Variants in NMI observed in about 807,000 individuals in gnomAD.
NMI encodes the protein N-myc and STAT interactor.
Under a neutral mutation model 34.3 loss-of-function variants are expected in NMI, and 39 were observed. That is an observed-to-expected ratio of 1.14 (90% CI 0.88 to 1.49). The LOEUF (loss-of-function observed/expected upper bound fraction) is 1.49, where lower values mean the gene tolerates loss of function less well. Ranked by LOEUF, NMI falls within the 40% of genes most tolerant of loss-of-function variation. NMI has a pLI of 0.00. For synonymous variants in NMI, 113 were observed against 120.3 expected, an observed-to-expected ratio of 0.94 and a Z score of 0.40; for missense variants, 339 against 358.1, an observed-to-expected ratio of 0.95 and a Z score of 0.43.
At chr2:151,281,919 T>C (rs762207400) in intron 3 of NMI, 29 bp downstream of exon 3, 2 of 1,082,732 alleles carry the variant, frequency 1.8e-6, no homozygotes, top group Admixed American at 2.0e-5. Context: ...CCATCAAAAA[T>C]GTAGTATATA....
In NMI at chr2:151,275,779, TA is replaced by T. The variant is rs748266163; in HGVS notation, c.425del (p.Leu142Ter). 2 of 1,613,610 alleles carry T rather than the reference TA, an allele frequency of 1.2e-6. No homozygotes were observed. The highest frequency in any genetic ancestry group is 2.7e-5 in the African/African-American group (2 of 75,040). ...TTACCTGGAATCTGACTCCTGAATT[TA>T]ATGGAACTGGCTTGGCCGTAACCTC... ...NLEVTAKPVP[L>X]NSGVRFQVYV... On this transcript the variant is annotated frameshift_variant, in exon 5 of 8. Coordinates refer to ENST00000243346, the MANE Select transcript of NMI (RefSeq NM_004688.3). LOFTEE classifies it high-confidence loss of function.
At chr2:151,271,476 A>T in intron 7 of NMI, 150 bp downstream of exon 7, 1 of 638,556 alleles carries the variant, frequency 1.6e-6, no homozygotes, top group Non-Finnish European at 2.8e-6. Context: ...AGACAAACTC[A>T]TTTTGCACCA....
chr2:151,282,273 C>A (rs1175646695), intron 2 of NMI, among the ~76,000 whole-genome samples: 1 of 152,168 alleles, frequency 6.6e-6, no homozygotes, highest in African/African-American at 2.4e-5. Context: ...AGGAAACCAC[C>A]TTTTACACTA....
At chr2:151,282,102 A>C in intron 2 of NMI, 59 bp from the exon 3 acceptor site, 1 of 759,618 alleles carries the variant, frequency 1.3e-6, no homozygotes, top group Admixed American at 2.6e-5. Flanking sequence ...ATTTTTCCGA[A>C]TGAACTAAAG....
At chr2:151,273,775 G>A (rs113755179) in intron 6 of NMI, among the ~76,000 whole-genome samples, 19,207 of 152,098 alleles carry the variant, frequency 0.13, 1,567 homozygotes, top group South Asian at 0.26. Flanking sequence ...ACCCGCCTCC[G>A]CCTCCCAAAG....
In NMI at chr2:151,270,701, C is replaced by T. The variant is rs142057911; in HGVS notation, c.916G>A (p.Glu306Lys). ...SLGQPHIAYF[E>K]E is the part of the protein sequence containing the mutation. ...TCATGATTCTGTTAAGTCTATTCTT[C>T]AAAGTATGCTATGTGAGGTTGACCT... The change falls in exon 8 of 8, where the codon GAA becomes AAA. Residue 306 changes from glutamate (E) to lysine (K), a missense_variant. Glu to Lys is a moderately conservative substitution (Grantham distance 56, BLOSUM62 1). Coordinates refer to ENST00000243346, the MANE Select transcript of NMI (RefSeq NM_004688.3). 2.2e-4 allele frequency: 361 copies of T among 1,611,960 alleles called. 2 individuals are homozygous for T. Among genetic ancestry groups the T allele is most frequent in the South Asian group, 6.4e-4 (58 of 90,720 alleles).
chr2:151,273,534 T>C (rs1380114253), intron 6 of NMI, among the ~76,000 whole-genome samples: 4 of 152,130 alleles, frequency 2.6e-5, no homozygotes, highest in South Asian at 4.1e-4. Context: ...TTTATTTCGG[T>C]TTTTTTGAGA....
Position 151,282,054 on chromosome 2 carries a change from T to G in NMI, c.82-11A>C. On this transcript the variant is annotated splice_polypyrimidine_tract_variant and intron_variant, in intron 2 of 7. Transcript: ENST00000243346. ...TTCATCAATTAGTCCCTTAAAAATA[T>G]CAAATGGTACCAAAGAAAGTAAATA... 1 of 1,186,022 alleles carries G rather than the reference T, an allele frequency of 8.4e-7. No individual in the cohort carries two copies. Among genetic ancestry groups the G allele is most frequent in the Non-Finnish European group, 1.2e-6 (1 of 800,622 alleles). 73.5% of individuals were successfully genotyped at this position (1,186,022 alleles called of 1,614,324 possible).
chr2:151,280,513 A>G (rs1047214172), intron 3 of NMI, among the ~76,000 whole-genome samples: 1 of 152,240 alleles, frequency 6.6e-6, no homozygotes, highest in African/African-American at 2.4e-5. Flanking sequence ...AATAATGCAG[A>G]AATACCCAGT....
intron 4 of NMI, 23 bp from the exon 5 acceptor site, chr2:151,275,887 A>G (rs113730508): frequency 3.0e-5 from 41 of 1,367,000 alleles, no homozygotes; most frequent in African/African-American, 2.8e-4. Flanking sequence ...TCAGGAAGGA[A>G]GTATTAATTT....
At chr2:151,288,121 A>G (rs1437198482) in intron 1 of NMI, among the ~76,000 whole-genome samples, 1 of 152,238 alleles carries the variant, frequency 6.6e-6, no homozygotes, top group Non-Finnish European at 1.5e-5. Flanking sequence ...TGTAGTAGGC[A>G]AAACAATGGC....
Position 151,281,948 on chromosome 2 carries a change from C to T in NMI, c.177G>A (p.Gln59=). The T allele has an allele frequency of 6.9e-7, 1 of 1,446,762 alleles. No individual in the cohort carries two copies. The highest frequency in any genetic ancestry group is 1.4e-5 in the African/African-American group (1 of 70,932). The allele number at this position is 1,446,762 out of a possible 1,614,324, so 89.6% of individuals were successfully genotyped here. The change falls in exon 3 of 8, where the codon CAG becomes CAA. Residue 59 remains glutamine (Q), a splice_region_variant and synonymous_variant. Coordinates refer to ENST00000243346, the MANE Select transcript of NMI (RefSeq NM_004688.3). ...TELQEATKEF[Q]IKEDIPETKM... is the part of the protein sequence containing the mutation. ...GTATATAAAATAATTAAGAGAGTAC[C>T]TGGAATTCTTTGGTAGCCTCTTGTA... is the stretch of plus-strand genomic sequence containing the variant.
At chr2:151,282,681 A>T in intron 2 of NMI, 187 bp downstream of exon 2, 1 of 383,766 alleles carries the variant, frequency 2.6e-6, no homozygotes, top group Non-Finnish European at 4.7e-6. Flanking sequence ...GCCTTATAAG[A>T]GAAAGAATAA....
chr2:151,275,986 T>G, intron 4 of NMI, 122 bp from the exon 5 acceptor site: 1 of 691,152 alleles, frequency 1.4e-6, no homozygotes, highest in Non-Finnish European at 2.3e-6. Context: ...GGGTCTAATT[T>G]TAAAAATTTG....
intron 6 of NMI, 135 bp downstream of exon 6, chr2:151,275,349 A>G: frequency 1.3e-6 from 1 of 771,904 alleles, no homozygotes; most frequent in Non-Finnish European, 2.1e-6. Context: ...CTACTATTTT[A>G]TAAGGTTTTT....
intron 4 of NMI, among the ~76,000 whole-genome samples, chr2:151,276,752 A>G (rs1683298898): frequency 6.6e-6 from 1 of 152,226 alleles, no homozygotes; most frequent in Non-Finnish European, 1.5e-5. Context: ...GTTAAAGACT[A>G]CATAGGCTGG....
At chr2:151,288,564 AGTGTGTGTGT>A (rs80140260) in intron 1 of NMI, among the ~76,000 whole-genome samples, 1 of 149,498 alleles carries the variant, frequency 6.7e-6, no homozygotes, top group African/African-American at 2.4e-5. Flanking sequence ...TGTGTATGTG[AGTGTGTGTGT>A]GTGTGTGTGT....
chr2:151,272,233 C>G (rs1039600909), intron 6 of NMI, among the ~76,000 whole-genome samples: 1 of 152,166 alleles, frequency 6.6e-6, no homozygotes, highest in Non-Finnish European at 1.5e-5. Flanking sequence ...AAAAATTCAT[C>G]AGTTTTCTAC....
rs762702950 is a variant in NMI, at chr2:151,278,875, T to A, written c.293A>T (p.Tyr98Phe). 2.5e-6 allele frequency: 4 copies of A among 1,613,502 alleles called. No homozygotes were observed. The African/African-American group carries it at 4.0e-5, about 16-fold the overall frequency. ...CSFQVSSKVPYEIQKGQALIT... is the reference protein window; with the variant it reads ...CSFQVSSKVPFEIQKGQALIT... ...AAGTGCTTGTCCTTTTTGTATCTCA[T>A]AAGGAACTTTCGAGCTCACTTGAAA... Residue 98 changes from tyrosine to phenylalanine, a missense_variant, in exon 4 of 8, where the codon TAT becomes TTT. Physicochemically the swap from Tyr to Phe is conservative, Grantham distance 22. Transcript: ENST00000243346.
Sources: gnomAD v4.1 joint callset for allele counts (sites outside exome capture counted in the v4.1 genomes callset) on GRCh38, gnomAD v4.1.1 for gene constraint, MANE v1.5 for transcripts, NCBI Gene and HGNC (gene_info 2026-07-23, HGNC 2026-07-21) for gene names.